The following MMP26 variants were observed in gnomAD, a reference collection of about 807,000 sequenced individuals.
MMP26 encodes matrix metalloproteinase-26.
A neutral mutation model predicts 31.0 loss-of-function variants in MMP26; 33 were observed. The observed-to-expected ratio is 1.06, with a 90% confidence interval of 0.81 to 1.42. The LOEUF is 1.42. MMP26 is among the 40% of genes most tolerant of loss of function. MMP26 has a pLI of 0.00. For synonymous variants in MMP26, 122 were observed against 114.9 expected (o/e 1.06, Z -0.40); for missense variants, 347 against 316.1 (o/e 1.10, Z -0.74).
chr11:4,707,220 A>G (rs971579073), intron 1 of MMP26, among the ~76,000 whole-genome samples: 1 of 152,144 alleles, frequency 6.6e-6, no homozygotes, highest in Non-Finnish European at 1.5e-5. Flanking sequence ...AAGTATTTTC[A>G]TAGCTATGAG....
chr11:4,823,596 C>T (rs1849540804), intron 2 of MMP26, among the ~76,000 whole-genome samples: 1 of 152,082 alleles, frequency 6.6e-6, no homozygotes, highest in Non-Finnish European at 1.5e-5. Flanking sequence ...AACGAAATCC[C>T]CCATGAGGCC....
In MMP26 at chr11:4,964,898, C is replaced by T. The variant is rs58464042; in HGVS notation, c.-144-23170C>T. Among the ~76,000 whole-genome samples, 477 of 152,226 alleles carry T rather than the reference C, an allele frequency of 3.1e-3. 3 individuals carry two copies. The highest frequency in any genetic ancestry group is 0.011 in the African/African-American group (457 of 41,540). ...CACATGGACACATGCAGGGGAACAA[C>T]ACACACTGGGACCTGTTGGAGAGTT... On this transcript the variant is annotated intron_variant, in intron 2 of 7. Transcript: ENST00000380390.
chr11:4,907,350 G>A (rs371873986), intron 2 of MMP26: 62 of 1,515,612 alleles, frequency 4.1e-5, no homozygotes, highest in Middle Eastern at 1.9e-4. Context: ...TCCGGCTAAC[G>A]AGCTCATATC....
chr11:4,729,985 C>T (rs1430115416), intron 1 of MMP26, among the ~76,000 whole-genome samples: 1 of 151,914 alleles, frequency 6.6e-6, no homozygotes, highest in East Asian at 1.9e-4. Context: ...ATAGATAATA[C>T]AGCCCTCATT....
chr11:4,756,564 A>C (rs1848506757), intron 1 of MMP26: 1 of 152,162 alleles, frequency 6.6e-6, no homozygotes, highest in Non-Finnish European at 1.5e-5. Flanking sequence ...TTTTACAAAA[A>C]AATTAAAATA....
chr11:4,902,778 T>C (rs906890491), intron 2 of MMP26, among the ~76,000 whole-genome samples: 2 of 152,200 alleles, frequency 1.3e-5, no homozygotes, highest in Admixed American at 6.5e-5. Context: ...CTCATTTATC[T>C]TATGGGAGTT....
At chr11:4,914,716 C>G (rs768453682) in intron 2 of MMP26, 3 of 1,599,876 alleles carry the variant, frequency 1.9e-6, no homozygotes, top group African/African-American at 2.7e-5. Flanking sequence ...ACACTAGACA[C>G]AGTTAGTAAC....
At chr11:4,867,548 G>C (rs956713600) in intron 2 of MMP26, among the ~76,000 whole-genome samples, 1 of 151,732 alleles carries the variant, frequency 6.6e-6, no homozygotes, top group Non-Finnish European at 1.5e-5. Flanking sequence ...GCACCATCAC[G>C]TCTGGCTAAT....
At chr11:4,825,852 G>A (rs1849571973) in intron 2 of MMP26, among the ~76,000 whole-genome samples, 1 of 152,120 alleles carries the variant, frequency 6.6e-6, no homozygotes, top group Non-Finnish European at 1.5e-5. Flanking sequence ...TAAGATGATA[G>A]AAAACACCTC....
At chr11:4,720,570 T>C (rs1415112004) in intron 1 of MMP26, among the ~76,000 whole-genome samples, 1 of 152,168 alleles carries the variant, frequency 6.6e-6, no homozygotes, top group Non-Finnish European at 1.5e-5. Flanking sequence ...AACACAGGAA[T>C]AATGCAGGGA....
chr11:4,835,656 T>TG (rs1215342089), intron 2 of MMP26, among the ~76,000 whole-genome samples: 1 of 152,094 alleles, frequency 6.6e-6, no homozygotes, highest in Non-Finnish European at 1.5e-5. Context: ...AATAAACACA[T>TG]GGAGGCAGCC....
intron 2 of MMP26, among the ~76,000 whole-genome samples, chr11:4,922,353 T>G (rs1851198049): frequency 6.9e-6 from 1 of 143,940 alleles, no homozygotes; most frequent in Non-Finnish European, 1.5e-5. Flanking sequence ...TTCTCATGAC[T>G]CCACATAAAG....
intron 2 of MMP26, among the ~76,000 whole-genome samples, chr11:4,917,718 A>G (rs1319158143): frequency 2.0e-5 from 3 of 152,110 alleles, no homozygotes; most frequent in African/African-American, 4.8e-5. Context: ...GACAAGCTAC[A>G]TATTGGGTTA....
At chr11:4,787,680 T>C (rs998093261) in intron 2 of MMP26, 5 of 152,260 alleles carry the variant, frequency 3.3e-5, no homozygotes, top group Non-Finnish European at 5.9e-5. Context: ...CTCAAACTCT[T>C]TCAAACAAAA....
chr11:4,803,533 T>C (rs140828720), intron 2 of MMP26: 1 of 1,614,000 alleles, frequency 6.2e-7, no homozygotes, highest in Non-Finnish European at 8.5e-7. Flanking sequence ...TATCAGTAGA[T>C]AGAGATTAGC....
At chr11:4,942,183 T>G (rs1264948418) in intron 2 of MMP26, among the ~76,000 whole-genome samples, 2 of 151,250 alleles carry the variant, frequency 1.3e-5, no homozygotes, top group Non-Finnish European at 2.9e-5. Context: ...TAAATTAAGT[T>G]GACTAAGGAC....
At chr11:4,812,116 A>G (rs1025054819) in intron 2 of MMP26, among the ~76,000 whole-genome samples, 13 of 152,306 alleles carry the variant, frequency 8.5e-5, no homozygotes, top group African/African-American at 3.1e-4. Context: ...AAGGCAGGGC[A>G]GAAAGGATGT....
At chr11:4,768,131 A>G (rs1241250709) in intron 2 of MMP26, among the ~76,000 whole-genome samples, 1 of 152,242 alleles carries the variant, frequency 6.6e-6, no homozygotes, top group African/African-American at 2.4e-5. Context: ...GGAAAGGTCC[A>G]TAAATTTCAT....
At chr11:4,784,245 G>A (rs1358184515) in intron 2 of MMP26, among the ~76,000 whole-genome samples, 1 of 152,182 alleles carries the variant, frequency 6.6e-6, no homozygotes, top group African/African-American at 2.4e-5. Flanking sequence ...GCTTTTCCAT[G>A]ACACAGCTTG....
Sources: gnomAD v4.1 joint callset for allele counts (sites outside exome capture counted in the v4.1 genomes callset) on GRCh38, gnomAD v4.1.1 for gene constraint, MANE v1.5 for transcripts, NCBI Gene and HGNC (gene_info 2026-07-23, HGNC 2026-07-21) for gene names.